CLASP1: variants seen among roughly 807,000 people sequenced by gnomAD.
The protein encoded by CLASP1 is CLIP-associating protein 1.
CLASP1 carries 38 observed loss-of-function variants against 192.3 expected under a neutral mutation model. The ratio of observed to expected loss-of-function variants is 0.20; its 90% confidence interval spans 0.15 to 0.26. The LOEUF is 0.26. CLASP1 is among the 10% of genes least tolerant of loss of function. CLASP1 has a pLI of 1.00. For synonymous variants in CLASP1, 691 were observed against 712.8 expected, an observed-to-expected ratio of 0.97 and a Z score of 0.49; for missense variants, 1,433 against 1,932.5, an observed-to-expected ratio of 0.74 and a Z score of 4.85.
At chr2:121,444,231 A>G (rs913371995) in intron 19 of CLASP1, among the ~76,000 whole-genome samples, 7 of 152,206 alleles carry the variant, frequency 4.6e-5, no homozygotes, top group Admixed American at 4.6e-4. Context: ...AAAAAACAAA[A>G]TAAAGTGGAT....
intron 32 of CLASP1, among the ~76,000 whole-genome samples, chr2:121,384,093 TAC>T (rs1156303870): frequency 8.1e-5 from 11 of 135,814 alleles, no homozygotes; most frequent in African/African-American, 2.7e-4. Flanking sequence ...TATGTATATA[TAC>T]ACACATATAT....
intron 2 of CLASP1, among the ~76,000 whole-genome samples, chr2:121,588,349 A>C (rs2061977209): frequency 6.6e-6 from 1 of 152,226 alleles, no homozygotes. Flanking sequence ...TTCAAACTTC[A>C]CATTTATACA....
chr2:121,642,596 G>A (rs1410063369), intron 1 of CLASP1, among the ~76,000 whole-genome samples: 1 of 151,890 alleles, frequency 6.6e-6, no homozygotes, highest in East Asian at 1.9e-4. Flanking sequence ...GCCGGGCGTG[G>A]TGGCGCACAC....
At chr2:121,351,480 G>C (rs1016833979) in intron 37 of CLASP1, among the ~76,000 whole-genome samples, 1 of 152,232 alleles carries the variant, frequency 6.6e-6, no homozygotes, top group Non-Finnish European at 1.5e-5. Context: ...GAGGGACTGA[G>C]AATTAATTCT....
rs771251694 is a variant in CLASP1 at position 121,630,223 on chromosome 2, A to G, written c.-286+19149T>C. Among the ~76,000 whole-genome samples, 30 of 152,052 alleles carry G rather than the reference A, an allele frequency of 2.0e-4. 1 individual carries two copies. Among genetic ancestry groups the G allele is most frequent in the Admixed American group, 1.6e-3 (25 of 15,268 alleles). On this transcript the variant is annotated intron_variant, in intron 1 of 39. Transcript: ENST00000263710. ...GCGTGAGCCACCACGCCCAGCCTCT[A>G]TTCCTATTCTTTCTAGTTAAATCAT...
chr2:121,628,057 T>G (rs561450077), intron 1 of CLASP1, among the ~76,000 whole-genome samples: 1 of 152,354 alleles, frequency 6.6e-6, no homozygotes, highest in Non-Finnish European at 1.5e-5. Context: ...TTACTAAGTT[T>G]ATACCTAACA....
chr2:121,341,180 C>A (rs6756225), intron 39 of CLASP1, among the ~76,000 whole-genome samples: 31,516 of 152,032 alleles, frequency 0.21, 6,235 homozygotes, highest in African/African-American at 0.52. Context: ...AGGGAAAAGC[C>A]GTGGGCAATT....
exon 40 of CLASP1, chr2:121,339,427 A>T (rs893010894): frequency 2.0e-5 from 3 of 152,246 alleles, no homozygotes; most frequent in Non-Finnish European, 4.4e-5. Context: ...CATTTTCCTT[A>T]TGGAAAAATC....
Position 121,533,500 on chromosome 2 carries a change from C to T in CLASP1, c.196-3175G>A, listed in dbSNP as rs548112690. Among the ~76,000 whole-genome samples, 21 of 152,234 alleles carry T rather than the reference C, an allele frequency of 1.4e-4. No individual in the cohort carries two copies. In the South Asian group the frequency reaches 3.9e-3, roughly 29 times the overall value. Reference sequence around the variant, plus strand: ...GTGTGTATGTAAACTGTGCCTGGCACGTGGTAAGGGTACTTTTTTTTTCCC... The same window carrying T: ...GTGTGTATGTAAACTGTGCCTGGCATGTGGTAAGGGTACTTTTTTTTTCCC... On this transcript the variant is annotated intron_variant, in intron 2 of 39. Transcript: ENST00000263710.
chr2:121,480,433 T>C (rs2092498281), intron 8 of CLASP1, among the ~76,000 whole-genome samples: 1 of 152,094 alleles, frequency 6.6e-6, no homozygotes, highest in African/African-American at 2.4e-5. Context: ...ACATAACTTA[T>C]AACCAGGCTC....
rs374603441 is a variant in CLASP1 at position 121,347,116 on chromosome 2, G to A, written c.4452C>T (p.Ser1484=). 419 of 1,584,634 alleles carry A rather than the reference G, an allele frequency of 2.6e-4. 1 individual carries two copies. The highest frequency in any genetic ancestry group is 3.3e-4 in the Non-Finnish European group (384 of 1,164,504). Residue 1484 remains serine (S), a synonymous_variant, in exon 39 of 40, where the codon AGC becomes AGT. Coordinates refer to ENST00000263710, the Ensembl canonical transcript of CLASP1. ...AATAAATTGCCACTAAGCAAAACAC[G>A]CTGGCCTTACGCACACTACTTTCGG...
chr2:121,633,046 A>G (rs1032325845), intron 1 of CLASP1, among the ~76,000 whole-genome samples: 1 of 146,222 alleles, frequency 6.8e-6, no homozygotes, highest in Non-Finnish European at 1.5e-5. Context: ...TTTCATGAAT[A>G]TAATTAATAA....
At chr2:121,409,200 TAATAATA>T (rs902467506) in intron 24 of CLASP1, among the ~76,000 whole-genome samples, 19 of 152,160 alleles carry the variant, frequency 1.2e-4, no homozygotes, top group African/African-American at 4.6e-4. Context: ...ATCAAGCTAA[TAATAATA>T]AAGAATGCTT....
exon 20 of CLASP1, chr2:121,430,175 G>A (rs376845029): frequency 2.8e-5 from 44 of 1,559,932 alleles, no homozygotes; most frequent in Middle Eastern, 1.7e-4. Context: ...GTGCGGATCC[G>A]ACCTGGAGGA....
rs2072025369 is a variant in CLASP1 at position 121,641,319 on chromosome 2, T to C, written c.-286+8053A>G. 3.3e-5 allele frequency among the ~76,000 whole-genome samples: 5 copies of C among 150,738 alleles called. No homozygotes were observed. In the South Asian group the frequency reaches 1.0e-3, roughly 31 times the overall value. On this transcript the variant is annotated intron_variant, in intron 1 of 39. Coordinates refer to ENST00000263710, the Ensembl canonical transcript of CLASP1. ...CAAACTTGTGTAGCCCCAGAAGCAC[T>C]TGGGGAACCTGTTAAAAAAAAAAAA...
At chr2:121,576,653 T>C (rs1244556725) in intron 2 of CLASP1, among the ~76,000 whole-genome samples, 1 of 152,130 alleles carries the variant, frequency 6.6e-6, no homozygotes. Flanking sequence ...CCCAAGAATA[T>C]GCTCAAATGA....
At chr2:121,530,595 G>A (rs981117708) in intron 2 of CLASP1, 5 of 537,702 alleles carry the variant, frequency 9.3e-6, no homozygotes, top group African/African-American at 7.5e-5. Flanking sequence ...TGCGGGTGGA[G>A]TTCAAGAGCG....
At chr2:121,399,731 G>A (rs2075863656) in intron 28 of CLASP1, among the ~76,000 whole-genome samples, 1 of 152,138 alleles carries the variant, frequency 6.6e-6, no homozygotes, top group South Asian at 2.1e-4. Flanking sequence ...AAACTAACAG[G>A]AGGTCACAAT....
intron 23 of CLASP1, among the ~76,000 whole-genome samples, chr2:121,411,300 G>C (rs779329869): frequency 2.6e-5 from 4 of 152,184 alleles, no homozygotes; most frequent in African/African-American, 9.7e-5. Flanking sequence ...CCCTGTAGAG[G>C]CAAGTGGCCT....
Sources: gnomAD v4.1 joint callset for allele counts (sites outside exome capture counted in the v4.1 genomes callset) on GRCh38, gnomAD v4.1.1 for gene constraint, MANE v1.5 for transcripts, NCBI Gene and HGNC (gene_info 2026-07-23, HGNC 2026-07-21) for gene names.